Variants in CTPS1 observed in about 807,000 individuals in gnomAD.
CTPS1 encodes CTP synthetase 1.
In CTPS1, 25 loss-of-function variants were observed where a neutral mutation model predicts 80.5. The observed-to-expected ratio is 0.31, with a 90% CI of 0.23 to 0.43. CTPS1 has a LOEUF of 0.43. Ranked by LOEUF, CTPS1 falls within the 20% of genes least tolerant of loss-of-function variation. CTPS1 has a pLI of 1.00. For synonymous variants in CTPS1, 267 were observed against 252.5 expected (o/e 1.06, Z -0.54); for missense variants, 442 against 725.7 (o/e 0.61, Z 4.49).
intron 1 of CTPS1, chr1:40,980,191 G>A (rs143201454): frequency 0.064 from 6,251 of 97,228 alleles, 183 homozygotes; most frequent in South Asian, 0.15. Flanking sequence ...TAGGGGAGTG[G>A]AGCGGCGCCC....
chr1:40,995,760 A>G (rs1232519250), intron 7 of CTPS1, among the ~76,000 whole-genome samples, 157 bp from the exon 8 acceptor site: 2 of 152,096 alleles, frequency 1.3e-5, no homozygotes, highest in South Asian at 2.1e-4. Flanking sequence ...CTAATTTTCT[A>G]TTCTATTCTT....
chr1:40,982,841 C>T (rs1290640683), intron 1 of CTPS1, among the ~76,000 whole-genome samples: 1 of 152,102 alleles, frequency 6.6e-6, no homozygotes, highest in Non-Finnish European at 1.5e-5. Flanking sequence ...TATTTATTTC[C>T]TGGAGAACTG....
chr1:40,991,463 A>C (rs895856444), intron 6 of CTPS1, among the ~76,000 whole-genome samples: 1 of 152,188 alleles, frequency 6.6e-6, no homozygotes, highest in African/African-American at 2.4e-5. Context: ...TTTTCCTCTC[A>C]GTCTTTTTAC....
At chr1:41,009,974 A>AT (rs1408709254) in intron 17 of CTPS1, among the ~76,000 whole-genome samples, 187 bp from the exon 18 acceptor site, 23 of 152,366 alleles carry the variant, frequency 1.5e-4, no homozygotes, top group African/African-American at 5.5e-4. Flanking sequence ...AATGGAATGT[A>AT]TATCTTTTGT....
At position 41,009,013 on chromosome 1, in the gene CTPS1, A is replaced by G. The variant is rs1570984693; in HGVS notation, c.1546+123A>G. The G allele has an allele frequency of 1.4e-5, 11 of 788,304 alleles. No homozygotes were observed. In the East Asian group the frequency reaches 2.9e-4, roughly 21 times the overall value. The allele number at this position is 788,304 out of a possible 1,614,324, so 48.8% of individuals were successfully genotyped here. On this transcript the variant is annotated intron_variant, in intron 16 of 18. Transcript: ENST00000650070. ...CAGAATTAGGAAGCAGCACTGTCTC[A>G]TGAGGGAAGGGGTCTTGATAAACAT...
chr1:41,009,293 C>A, intron 16 of CTPS1, 152 bp from the exon 17 acceptor site: 1 of 810,674 alleles, frequency 1.2e-6, no homozygotes, highest in Non-Finnish European at 1.9e-6. Context: ...ATCACTCATG[C>A]TTTGAGGTTC....
chr1:40,994,825 T>C (rs987701951), intron 7 of CTPS1, among the ~76,000 whole-genome samples: 12 of 152,356 alleles, frequency 7.9e-5, no homozygotes, highest in African/African-American at 2.6e-4. Flanking sequence ...TATTGCCAAA[T>C]TTTCCCTAAT....
At chr1:41,010,924 G>T (rs1313382234) in intron 18 of CTPS1, among the ~76,000 whole-genome samples, 1 of 152,218 alleles carries the variant, frequency 6.6e-6, no homozygotes, top group African/African-American at 2.4e-5. Context: ...GCAGAAGTAC[G>T]CATTCTGCTG....
intron 9 of CTPS1, 107 bp from the exon 10 acceptor site, chr1:41,000,922 G>T: frequency 1.6e-6 from 1 of 634,450 alleles, no homozygotes; most frequent in Non-Finnish European, 2.6e-6. Flanking sequence ...TTTAAAGCCA[G>T]AATCAAGAAA....
chr1:40,983,993 C>A (rs1440515669), intron 2 of CTPS1, among the ~76,000 whole-genome samples: 1 of 152,184 alleles, frequency 6.6e-6, no homozygotes. Flanking sequence ...TTGCTTAAAA[C>A]TGGGAGAGAT....
intron 12 of CTPS1, among the ~76,000 whole-genome samples, chr1:41,005,028 C>A (rs1642997847): frequency 6.6e-6 from 1 of 151,978 alleles, no homozygotes; most frequent in African/African-American, 2.4e-5. Flanking sequence ...ACTTGGGAGG[C>A]CAAGACATGA....
intron 1 of CTPS1, chr1:40,980,350 G>A (rs1318931954): frequency 6.6e-6 from 1 of 152,134 alleles, no homozygotes; most frequent in African/African-American, 2.4e-5. Flanking sequence ...GTAGGACGAG[G>A]GGGCCTGCGA....
chr1:40,980,417 C>T (rs1651825597), intron 1 of CTPS1: 1 of 152,378 alleles, frequency 6.6e-6, no homozygotes, highest in Non-Finnish European at 1.5e-5. Context: ...TCCTCCCTTC[C>T]CGGCGGCCGG....
At chr1:41,006,227 T>C in intron 13 of CTPS1, 133 bp downstream of exon 13, 1 of 702,330 alleles carries the variant, frequency 1.4e-6, no homozygotes, top group Admixed American at 2.7e-5. Context: ...TTTTGGGCAC[T>C]CAGACCTACC....
At position 40,997,181 on chromosome 1, in the gene CTPS1, G is replaced by A. The variant is rs1642775123; in HGVS notation, c.873-213G>A. On this transcript the variant is annotated intron_variant, in intron 8 of 18. Coordinates refer to ENST00000650070, the MANE Select transcript of CTPS1 (RefSeq NM_001905.4). ...AGGGTCTCACACTGTTGCCCAGGCT[G>A]TAGTGCAGTGGTGCAGTCAGCTCAC... is the stretch of plus-strand genomic sequence containing the variant. 5.7e-6 allele frequency: 3 copies of A among 522,258 alleles called. No individual in the cohort carries two copies. The South Asian group carries it at 7.3e-5, about 13-fold the overall frequency. 32.4% of individuals were successfully genotyped at this position (522,258 alleles called of 1,614,324 possible). A position where few individuals can be genotyped will look rare whatever the true frequency, so the allele number is the denominator to read the frequency against.
chr1:41,010,284 A>G, intron 18 of CTPS1, 30 bp downstream of exon 18: 1 of 1,490,406 alleles, frequency 6.7e-7, no homozygotes, highest in African/African-American at 1.4e-5. Flanking sequence ...TTTAGTTTTT[A>G]AAAACATGGT....
chr1:41,011,934 TCAC>T lies in CTPS1; in HGVS notation c.*288_*290del, dbSNP rs764098223. ...GTGGGGCTGCAGAGTGCCCCATCGGTCACCTTGTTTCTCAACTACCTCGCATCA... is the reference window on the plus strand; with the variant it reads ...GTGGGGCTGCAGAGTGCCCCATCGGTCTTGTTTCTCAACTACCTCGCATCA... On this transcript the variant is annotated 3_prime_UTR_variant, in exon 19 of 19. Coordinates refer to ENST00000650070, the MANE Select transcript of CTPS1 (RefSeq NM_001905.4). 5.3e-5 allele frequency: 8 copies of T among 152,148 alleles called. No homozygotes were observed. The East Asian group carries it at 7.7e-4, about 15-fold the overall frequency. 9.4% of individuals were successfully genotyped at this position (152,148 alleles called of 1,614,324 possible).
At chr1:40,987,527 T>C (rs1162325839) in intron 4 of CTPS1, 55 bp downstream of exon 4, 1 of 1,267,114 alleles carries the variant, frequency 7.9e-7, no homozygotes, top group African/African-American at 1.5e-5. Context: ...TAGTCAGCCA[T>C]CAATAACTGA....
intron 10 of CTPS1, 50 bp from the exon 11 acceptor site, chr1:41,002,110 T>C: frequency 1.3e-6 from 2 of 1,548,418 alleles, no homozygotes; most frequent in South Asian, 1.1e-5. Flanking sequence ...TATTGCAAGT[T>C]GGACTGGTAG....
Sources: allele counts gnomAD v4.1 joint callset (sites outside exome capture counted in the v4.1 genomes callset), GRCh38; gene constraint gnomAD v4.1.1; transcripts MANE v1.5; gene names NCBI Gene and HGNC (gene_info 2026-07-23, HGNC 2026-07-21).